Variants in KLRG1 observed in about 807,000 individuals in gnomAD.
The protein encoded by KLRG1 is killer cell lectin-like receptor subfamily G member 1.
In KLRG1, 16 loss-of-function variants were observed where a neutral mutation model predicts 21.8. That is an observed-to-expected ratio of 0.73 (90% CI 0.50 to 1.11). The LOEUF (loss-of-function observed/expected upper bound fraction) is 1.11, where lower values mean the gene tolerates loss of function less well. Among genes scored for constraint, KLRG1 ranks in the 50% most tolerant of loss-of-function variants. KLRG1 has a pLI of 0.00. For missense variants in KLRG1, 173 were observed against 218.3 expected (o/e 0.79, Z 1.31); for synonymous variants, 69 against 75.9 (o/e 0.91, Z 0.47).
At chr12:9,184,773 G>T in the KLRG1 span, among the ~76,000 whole-genome samples, 1 of 152,180 alleles carries the variant, frequency 6.6e-6, no homozygotes, top group Non-Finnish European at 1.5e-5. Flanking sequence ...GTTCCCCAGA[G>T]TTACAGCATG....
chr12:9,212,865 T>C, the KLRG1 span, among the ~76,000 whole-genome samples: 2 of 152,228 alleles, frequency 1.3e-5, no homozygotes, highest in Non-Finnish European at 1.5e-5. Context: ...AGTATGCTCA[T>C]GGTGTTATGT....
the KLRG1 span, chr12:9,158,311 T>C: frequency 6.9e-7 from 1 of 1,441,380 alleles, no homozygotes; most frequent in African/African-American, 1.4e-5. Context: ...CCATCCCACA[T>C]CATCCAGGAC....
At chr12:8,957,763 C>T (rs1053817515) in intron 1 of KLRG1, among the ~76,000 whole-genome samples, 4 of 152,136 alleles carry the variant, frequency 2.6e-5, no homozygotes, top group African/African-American at 9.7e-5. Context: ...CGTGTTTCCA[C>T]TGGATGAAGG....
the KLRG1 span, among the ~76,000 whole-genome samples, chr12:9,190,209 C>A: frequency 2.6e-5 from 4 of 151,904 alleles, no homozygotes; most frequent in Non-Finnish European, 5.9e-5. Flanking sequence ...TCATTGCAAC[C>A]CTGTTGCAAT....
At chr12:9,200,745 G>A in the KLRG1 span, 7 of 863,192 alleles carry the variant, frequency 8.1e-6, no homozygotes, top group Non-Finnish European at 1.2e-5. Context: ...ATGAGCTTCT[G>A]TGTTCACACC....
chr12:8,958,692 C>CA (rs1017892040), intron 1 of KLRG1, among the ~76,000 whole-genome samples: 3 of 151,780 alleles, frequency 2.0e-5, no homozygotes, highest in East Asian at 1.9e-4. Context: ...TCTGTCTCTA[C>CA]AAAAAAACCT....
intron 3 of KLRG1, among the ~76,000 whole-genome samples, chr12:9,006,834 T>C (rs185913898): frequency 5.1e-4 from 78 of 152,344 alleles, no homozygotes; most frequent in African/African-American, 1.7e-3. Context: ...AACCACCTGC[T>C]TATCTTCAGA....
the KLRG1 span, among the ~76,000 whole-genome samples, chr12:9,060,737 T>A: frequency 6.6e-6 from 1 of 152,252 alleles, no homozygotes; most frequent in Non-Finnish European, 1.5e-5. Flanking sequence ...ATCTGCATTT[T>A]AAAATAAATT....
chr12:9,138,370 T>G, the KLRG1 span, among the ~76,000 whole-genome samples: 277 of 152,184 alleles, frequency 1.8e-3, no homozygotes, highest in African/African-American at 5.4e-3. Context: ...TTGGTCATGA[T>G]GTATGATCCC....
chr12:9,140,031 A>G, the KLRG1 span, among the ~76,000 whole-genome samples: 1 of 152,236 alleles, frequency 6.6e-6, no homozygotes, highest in South Asian at 2.1e-4. Flanking sequence ...AGAGGAGGTT[A>G]TCTTGGGATG....
the KLRG1 span, chr12:9,089,793 T>C: frequency 8.7e-6 from 7 of 801,912 alleles, no homozygotes; most frequent in Non-Finnish European, 1.2e-5. Context: ...AAGAGAGAGA[T>C]AGGACAGAGA....
the KLRG1 span, chr12:9,196,353 G>A: frequency 7.4e-6 from 12 of 1,611,534 alleles, no homozygotes; most frequent in South Asian, 1.1e-5. Flanking sequence ...GGGATTCCTT[G>A]TCTAAAGTGT....
At chr12:9,127,856 G>T in the KLRG1 span, 1 of 248,336 alleles carries the variant, frequency 4.0e-6, no homozygotes. Context: ...CTGCGACTGG[G>T]CCCCGGGGCC....
the KLRG1 span, among the ~76,000 whole-genome samples, chr12:9,144,905 G>A: frequency 6.6e-6 from 1 of 152,186 alleles, no homozygotes; most frequent in African/African-American, 2.4e-5. Flanking sequence ...TTAGCCATTA[G>A]GCCAATGCCC....
chr12:9,039,633 A>G, the KLRG1 span, among the ~76,000 whole-genome samples: 1 of 152,214 alleles, frequency 6.6e-6, no homozygotes, highest in Admixed American at 6.5e-5. Context: ...CAGTTGCTAA[A>G]GCAGTCAGTC....
chr12:9,008,954 G>A lies in KLRG1; in HGVS notation c.358-21G>A. ...GACTGTGACACTAGGTCCCTTTTTT[G>A]GTTTTCAACCTCTCCCTTAGAGCCT... On this transcript the variant is annotated intron_variant, in intron 3 of 4. Transcript: ENST00000356986. 1 of 1,552,406 alleles carries A rather than the reference G, an allele frequency of 6.4e-7. No individual in the cohort carries two copies.
chr12:9,009,709 T>C lies in KLRG1; in HGVS notation c.*172T>C, dbSNP rs952042690. Reference sequence around the variant, plus strand: ...TAGGGATTGATGCCTAACTGATGGATTCTCTTTGAGACTATTTAGATATTA... The same window carrying C: ...TAGGGATTGATGCCTAACTGATGGACTCTCTTTGAGACTATTTAGATATTA... On this transcript the variant is annotated 3_prime_UTR_variant, in exon 5 of 5. Coordinates refer to ENST00000356986, the MANE Select transcript of KLRG1 (RefSeq NM_005810.4). 7.0e-7 allele frequency: 1 copy of C among 1,425,728 alleles called. No individual in the cohort carries two copies. Among genetic ancestry groups the C allele is most frequent in the African/African-American group, 1.4e-5 (1 of 69,288 alleles). The allele number at this position is 1,425,728 out of a possible 1,614,324, so 88.3% of individuals were successfully genotyped here.
the KLRG1 span, among the ~76,000 whole-genome samples, chr12:9,021,730 T>A: frequency 1.3e-5 from 2 of 152,160 alleles, no homozygotes; most frequent in Non-Finnish European, 2.9e-5. Context: ...GACATAAGCA[T>A]GCACATTAGC....
chr12:9,089,285 G>A, the KLRG1 span: 23 of 1,461,406 alleles, frequency 1.6e-5, no homozygotes, highest in Admixed American at 7.6e-5. Flanking sequence ...TAGTGAGAAT[G>A]GACTGACCTT....
Sources: allele counts gnomAD v4.1 joint callset (sites outside exome capture counted in the v4.1 genomes callset), GRCh38; gene constraint gnomAD v4.1.1; transcripts MANE v1.5; gene names NCBI Gene and HGNC (gene_info 2026-07-23, HGNC 2026-07-21).